Variants in PMP22 observed in about 807,000 individuals in gnomAD.
The protein encoded by PMP22 is Charcot-Marie-Tooth neuropathy 1A (greatly reduced nerve conduction velocity, hereditary motor sensory neuropathy Ia).
In PMP22, 2 loss-of-function variants were observed where a neutral mutation model predicts 18.9. The observed-to-expected ratio is 0.11, with a 90% confidence interval of 0.04 to 0.33. The LOEUF is 0.33. PMP22 is among the 10% of genes least tolerant of loss of function. The pLI is 1.00. For synonymous variants in PMP22, 95 were observed against 89.2 expected, an observed-to-expected ratio of 1.07 and a Z score of -0.37; for missense variants, 169 against 202.2, an observed-to-expected ratio of 0.84 and a Z score of 1.00.
chr17:15,256,769 T>A (rs1908865244), intron 3 of PMP22, among the ~76,000 whole-genome samples: 1 of 152,194 alleles, frequency 6.6e-6, no homozygotes, highest in African/African-American at 2.4e-5. Context: ...GACAGTATAA[T>A]GTTTTAAAAA....
At chr17:15,242,837 G>T (rs1907467330) in intron 3 of PMP22, among the ~76,000 whole-genome samples, 2 of 152,086 alleles carry the variant, frequency 1.3e-5, no homozygotes, top group Admixed American at 1.3e-4. Context: ...AAGCAGAAAT[G>T]ATGTAGGCTC....
At chr17:15,231,149 C>A in intron 4 of PMP22, 69 bp from the exon 5 acceptor site, 2 of 1,460,846 alleles carry the variant, frequency 1.4e-6, no homozygotes, top group South Asian at 1.1e-5. Flanking sequence ...TCCGCCACCC[C>A]GGATGCTGAC....
At chr17:15,235,713 A>G (rs1268299351) in intron 4 of PMP22, among the ~76,000 whole-genome samples, 9 of 152,004 alleles carry the variant, frequency 5.9e-5, no homozygotes, top group Non-Finnish European at 5.9e-5. Flanking sequence ...ATTAAATGAG[A>G]GTCTCCAGGG....
At chr17:15,232,642 GAGAGAAAGGTGTTA>G (rs1324841942) in intron 4 of PMP22, 1 of 152,246 alleles carries the variant, frequency 6.6e-6, no homozygotes, top group Admixed American at 6.5e-5. Flanking sequence ...GACCTTGGCA[GAGAGAAAGGTGTTA>G]ACAGAGTGCT....
chr17:15,260,556 C>G (rs1227496981), intron 2 of PMP22, 94 bp downstream of exon 2: 15 of 1,062,556 alleles, frequency 1.4e-5, no homozygotes, highest in Non-Finnish European at 2.1e-5. Flanking sequence ...CAACTGTCTG[C>G]AAATAACACA....
chr17:15,257,556 C>T (rs898723793), intron 3 of PMP22, among the ~76,000 whole-genome samples: 4 of 152,202 alleles, frequency 2.6e-5, no homozygotes, highest in African/African-American at 4.8e-5. Flanking sequence ...GACTCCCATC[C>T]GGAGTGCTCC....
chr17:15,251,705 A>G (rs1908367603), intron 3 of PMP22: 1 of 151,536 alleles, frequency 6.6e-6, no homozygotes, highest in Admixed American at 6.6e-5. Context: ...GGACCTGACC[A>G]CAGTCAGAAG....
chr17:15,236,629 C>T (rs1301523149), intron 4 of PMP22, among the ~76,000 whole-genome samples: 1 of 152,154 alleles, frequency 6.6e-6, no homozygotes, highest in African/African-American at 2.4e-5. Context: ...TTGTCACTTG[C>T]CAGGTTTTCC....
At chr17:15,241,553 C>T (rs1907319716) in intron 3 of PMP22, among the ~76,000 whole-genome samples, 1 of 152,078 alleles carries the variant, frequency 6.6e-6, no homozygotes, top group Non-Finnish European at 1.5e-5. Context: ...CACCCTTAAC[C>T]CCGCGCCCCT....
At chr17:15,241,488 T>C (rs1479755723) in intron 3 of PMP22, among the ~76,000 whole-genome samples, 1 of 152,186 alleles carries the variant, frequency 6.6e-6, no homozygotes, top group Non-Finnish European at 1.5e-5. Context: ...ATGAGGAGTA[T>C]GGCTGGTGGA....
intron 3 of PMP22, among the ~76,000 whole-genome samples, chr17:15,250,061 A>G (rs999865455): frequency 9.5e-4 from 145 of 152,210 alleles, no homozygotes; most frequent in African/African-American, 3.3e-3. Context: ...GACTACAGGC[A>G]CCGGCCACCA....
intron 3 of PMP22, among the ~76,000 whole-genome samples, chr17:15,257,971 A>G (rs1410214594): frequency 6.6e-6 from 1 of 152,208 alleles, no homozygotes; most frequent in Non-Finnish European, 1.5e-5. Flanking sequence ...ATTACTGGGT[A>G]CTGAGCTGTA....
At chr17:15,260,858 C>T in intron 1 of PMP22, 97 bp from the exon 2 acceptor site, 1 of 873,922 alleles carries the variant, frequency 1.1e-6, no homozygotes, top group Non-Finnish European at 1.8e-6. Flanking sequence ...GAAGGCCCGG[C>T]CTGGCCCAGC....
At chr17:15,256,654 C>A (rs1246414115) in intron 3 of PMP22, among the ~76,000 whole-genome samples, 1 of 152,128 alleles carries the variant, frequency 6.6e-6, no homozygotes, top group Non-Finnish European at 1.5e-5. Flanking sequence ...ATGTCAATAA[C>A]AAATTACTTT....
chr17:15,246,938 CAT>C (rs1907868247), intron 3 of PMP22, among the ~76,000 whole-genome samples: 1 of 151,442 alleles, frequency 6.6e-6, no homozygotes, highest in Non-Finnish European at 1.5e-5. Context: ...GGTGTGGTGG[CAT>C]GTGCCTGTAA....
In PMP22 at chr17:15,248,265, C is replaced by T. The variant is rs550620382; in HGVS notation, c.179-8654G>A. On this transcript the variant is annotated intron_variant, in intron 3 of 4. Coordinates refer to ENST00000312280, the MANE Select transcript of PMP22 (RefSeq NM_000304.4). ...TGTGCCAGCATGGAGCTCACAAAGG[C>T]GATGAAGGTGACGTGGGCGGCTCTC... 5.9e-5 allele frequency among the ~76,000 whole-genome samples: 9 copies of T among 152,280 alleles called. No homozygotes were observed. The South Asian group carries it at 1.0e-3, about 18-fold the overall frequency.
chr17:15,231,062 G>A lies in PMP22; in HGVS notation c.338C>T (p.Ala113Val), dbSNP rs774831750. The A allele has an allele frequency of 1.2e-6, 2 of 1,613,904 alleles. No homozygotes were observed. The highest frequency in any genetic ancestry group is 4.5e-5 in the East Asian group (2 of 44,860). ...GTGCCTCACCGTGTAGATGGCCGCA[G>A]CACTCATCACGCACAGACCTGGGGA... ...QILAGLCVMS[A>V]AAIYTVRHPE... The change falls in exon 5 of 5, where the codon GCT (alanine) becomes GTT (valine). Residue 113 changes from alanine (A) to valine (V), a missense_variant. Physicochemically the swap from Ala to Val is moderately conservative, Grantham distance 64. Coordinates refer to ENST00000312280, the MANE Select transcript of PMP22 (RefSeq NM_000304.4).
intron 3 of PMP22, among the ~76,000 whole-genome samples, chr17:15,247,812 GA>G (rs1907969217): frequency 6.6e-6 from 1 of 152,206 alleles, no homozygotes; most frequent in Non-Finnish European, 1.5e-5. Context: ...ACAGTTGCAA[GA>G]GTCAGAAGAG....
rs929873909 is a variant in PMP22, at chr17:15,230,509, A to G, written c.*408T>C. 2.8e-5 allele frequency: 6 copies of G among 217,026 alleles called. No homozygotes were observed. Among genetic ancestry groups the G allele is most frequent in the Non-Finnish European group, 4.7e-5 (5 of 107,042 alleles). 13.4% of individuals were successfully genotyped at this position (217,026 alleles called of 1,614,324 possible). A position where few individuals can be genotyped will look rare whatever the true frequency, so the allele number is the denominator to read the frequency against. On this transcript the variant is annotated 3_prime_UTR_variant, in exon 5 of 5. Transcript: ENST00000312280. ...TTCTAAATGAGGTGGACTGGGAGGG[A>G]GGTATCTTCTTTCAGATGAAAGGGA... is the stretch of plus-strand genomic sequence containing the variant.
Sources: allele counts gnomAD v4.1 joint callset (sites outside exome capture counted in the v4.1 genomes callset), GRCh38; gene constraint gnomAD v4.1.1; transcripts MANE v1.5; gene names NCBI Gene and HGNC (gene_info 2026-07-23, HGNC 2026-07-21).